Variants in MAP4K3 observed in about 807,000 individuals in gnomAD.
MAP4K3 encodes MAPK/ERK kinase kinase kinase 3.
A neutral mutation model predicts 143.5 loss-of-function variants in MAP4K3; 94 were observed. The ratio of observed to expected loss-of-function variants is 0.65; its 90% confidence interval spans 0.55 to 0.78. MAP4K3 has a LOEUF of 0.78. Among genes scored for constraint, MAP4K3 ranks in the 30% least tolerant of loss-of-function variants. The pLI is 0.00. For synonymous variants in MAP4K3, 416 were observed against 347.2 expected, an observed-to-expected ratio of 1.20 and a Z score of -2.20; for missense variants, 1,077 against 1,068.1, an observed-to-expected ratio of 1.01 and a Z score of -0.12.
intron 20 of MAP4K3, 150 bp downstream of exon 20, chr2:39,287,971 G>C: frequency 1.1e-6 from 1 of 870,840 alleles, no homozygotes; most frequent in East Asian, 2.4e-5. Context: ...CTTTAAGCTA[G>C]TAGGCAAAAA....
At chr2:39,320,548 G>C (rs2148510283) in intron 12 of MAP4K3, among the ~76,000 whole-genome samples, 1 of 151,720 alleles carries the variant, frequency 6.6e-6, no homozygotes, top group East Asian at 1.9e-4. Context: ...TGGAGGAGCA[G>C]TCCTCTATTT....
At chr2:39,272,704 A>C (rs904494954) in intron 24 of MAP4K3, among the ~76,000 whole-genome samples, 162 bp from the exon 25 acceptor site, 10 of 152,244 alleles carry the variant, frequency 6.6e-5, no homozygotes, top group Non-Finnish European at 1.5e-4. Flanking sequence ...CCAAGATGAT[A>C]TATATACATA....
In MAP4K3 at chr2:39,337,594, A is replaced by G; in HGVS notation, c.311-13T>C. The G allele has an allele frequency of 6.3e-7, 1 of 1,582,426 alleles. No individual in the cohort carries two copies. Among genetic ancestry groups the G allele is most frequent in the Non-Finnish European group, 8.7e-7 (1 of 1,152,892 alleles). On this transcript the variant is annotated splice_polypyrimidine_tract_variant and intron_variant, in intron 4 of 33. Coordinates refer to ENST00000263881, the MANE Select transcript of MAP4K3 (RefSeq NM_003618.4). ...AGAGGTCCAGTTACTGTAAAAGAAG[A>G]CAATTAATACTCATAAAATTAGTCA... is the stretch of plus-strand genomic sequence containing the variant.
chr2:39,285,437 ACT>A (rs1264646636), intron 21 of MAP4K3, among the ~76,000 whole-genome samples: 1 of 152,228 alleles, frequency 6.6e-6, no homozygotes, highest in Non-Finnish European at 1.5e-5. Flanking sequence ...TGTTACAGTC[ACT>A]CAGCTGCATT....
At chr2:39,391,970 C>T (rs1027641510) in intron 1 of MAP4K3, among the ~76,000 whole-genome samples, 2 of 151,970 alleles carry the variant, frequency 1.3e-5, no homozygotes, top group Admixed American at 1.3e-4. Flanking sequence ...ATCACGAGGT[C>T]AAGAGATGGA....
At chr2:39,314,977 G>T (rs1457427595) in intron 13 of MAP4K3, among the ~76,000 whole-genome samples, 1 of 152,152 alleles carries the variant, frequency 6.6e-6, no homozygotes, top group Non-Finnish European at 1.5e-5. Context: ...TCCCATCCCA[G>T]GTCTACTGAA....
chr2:39,306,838 C>T (rs1364379542), intron 15 of MAP4K3, among the ~76,000 whole-genome samples: 2 of 152,204 alleles, frequency 1.3e-5, no homozygotes, highest in Admixed American at 6.5e-5. Flanking sequence ...AGATAAGCCA[C>T]ATGGGCCCCA....
At chr2:39,253,358 T>C (rs1165787962) in intron 32 of MAP4K3, among the ~76,000 whole-genome samples, 1 of 152,158 alleles carries the variant, frequency 6.6e-6, no homozygotes, top group African/African-American at 2.4e-5. Flanking sequence ...GGTTTTGATC[T>C]CTTGACCTTG....
chr2:39,398,713 AAATAATAAT>A (rs60507971), intron 1 of MAP4K3, among the ~76,000 whole-genome samples: 26 of 140,424 alleles, frequency 1.9e-4, no homozygotes, highest in African/African-American at 3.8e-4. Flanking sequence ...GGAATAATTA[AAATAATAAT>A]AATAATAATA....
Position 39,378,824 on chromosome 2 carries a change from C to G in MAP4K3, c.97-701G>C, listed in dbSNP as rs112935134. ...AATTATAGATTCCTGGCATTTACAA[C>G]TGTATAATTATGTATATAAGTACAC... On this transcript the variant is annotated intron_variant, in intron 1 of 33. Transcript: ENST00000263881. Among the ~76,000 whole-genome samples the G allele has an allele frequency of 1.3e-3, 199 of 151,602 alleles. 3 individuals carry two copies. The highest frequency in any genetic ancestry group is 4.7e-3 in the African/African-American group (193 of 41,340).
chr2:39,405,226 A>G (rs572807235), intron 1 of MAP4K3, among the ~76,000 whole-genome samples: 3 of 152,334 alleles, frequency 2.0e-5, no homozygotes, highest in African/African-American at 7.2e-5. Context: ...CAGAACAGAG[A>G]GAGAAATGAT....
chr2:39,383,502 A>G (rs1666406045), intron 1 of MAP4K3, among the ~76,000 whole-genome samples: 1 of 152,108 alleles, frequency 6.6e-6, no homozygotes, highest in Admixed American at 6.5e-5. Flanking sequence ...CAGCCAAATC[A>G]TGTCACTAGG....
intron 21 of MAP4K3, among the ~76,000 whole-genome samples, chr2:39,284,990 T>A (rs1681706873): frequency 6.6e-6 from 1 of 152,076 alleles, no homozygotes; most frequent in South Asian, 2.1e-4. Flanking sequence ...CCTCCTGGGC[T>A]CATGTGATTC....
intron 20 of MAP4K3, among the ~76,000 whole-genome samples, chr2:39,287,331 T>A (rs1158142732): frequency 6.6e-6 from 1 of 151,460 alleles, no homozygotes; most frequent in Non-Finnish European, 1.5e-5. Context: ...TTTGCTCTTA[T>A]CACCCAGGCT....
chr2:39,307,920 G>C (rs927893325), intron 15 of MAP4K3, 23 bp downstream of exon 15: 7 of 1,504,978 alleles, frequency 4.7e-6, no homozygotes, highest in Non-Finnish European at 4.5e-6. Flanking sequence ...TGCTGACAAA[G>C]AAAATCAGAA....
chr2:39,339,544 C>T (rs1302459001), intron 4 of MAP4K3, among the ~76,000 whole-genome samples: 4 of 152,160 alleles, frequency 2.6e-5, no homozygotes, highest in Non-Finnish European at 5.9e-5. Context: ...AGGGCTTTAG[C>T]ATTATCCTCT....
At chr2:39,353,875 T>C (rs1665529800) in intron 3 of MAP4K3, among the ~76,000 whole-genome samples, 1 of 152,160 alleles carries the variant, frequency 6.6e-6, no homozygotes, top group Non-Finnish European at 1.5e-5. Context: ...ACCTATCCTG[T>C]CATGTAGATA....
At chr2:39,400,959 C>T (rs1666938507) in intron 1 of MAP4K3, among the ~76,000 whole-genome samples, 2 of 151,786 alleles carry the variant, frequency 1.3e-5, no homozygotes, top group Non-Finnish European at 2.9e-5. Context: ...TCAGAAAAAA[C>T]AAATAAATAC....
intron 8 of MAP4K3, among the ~76,000 whole-genome samples, chr2:39,329,515 T>C (rs148624274): frequency 1.8e-4 from 28 of 152,276 alleles, no homozygotes; most frequent in African/African-American, 6.5e-4. Context: ...CCTGGAAATG[T>C]TGACAAGCTA....
Sources: gnomAD v4.1 joint callset for allele counts (sites outside exome capture counted in the v4.1 genomes callset) on GRCh38, gnomAD v4.1.1 for gene constraint, MANE v1.5 for transcripts, NCBI Gene and HGNC (gene_info 2026-07-23, HGNC 2026-07-21) for gene names.